SUPT3H: variants seen among roughly 807,000 people sequenced by gnomAD.
SUPT3H encodes transcription initiation protein SPT3 homolog.
A neutral mutation model predicts 44.3 loss-of-function variants in SUPT3H; 44 were observed. The observed-to-expected ratio is 0.99, with a 90% CI of 0.78 to 1.28. SUPT3H has a LOEUF of 1.28. Among genes scored for constraint, SUPT3H ranks in the 50% most tolerant of loss-of-function variants. SUPT3H has a pLI of 0.00. For missense variants in SUPT3H, 380 were observed against 387.1 expected, an observed-to-expected ratio of 0.98 and a Z score of 0.15; for synonymous variants, 124 against 125.6, an observed-to-expected ratio of 0.99 and a Z score of 0.09.
intron 10 of SUPT3H, among the ~76,000 whole-genome samples, chr6:44,925,650 A>G (rs1375997839): frequency 1.3e-5 from 2 of 152,146 alleles, no homozygotes; most frequent in Admixed American, 6.5e-5. Context: ...GGTACCACCC[A>G]CTGCTTGTAA....
intron 2 of SUPT3H, among the ~76,000 whole-genome samples, chr6:45,325,118 C>T (rs952208685): frequency 1.3e-5 from 2 of 151,728 alleles, no homozygotes; most frequent in South Asian, 2.1e-4. Flanking sequence ...AAACTTCCTT[C>T]GTAAAACCTC....
chr6:45,352,783 T>A (rs12194682), intron 2 of SUPT3H, among the ~76,000 whole-genome samples: 34,455 of 151,984 alleles, frequency 0.23, 4,586 homozygotes, highest in Non-Finnish European at 0.31. Context: ...ATACATTAAA[T>A]ACCTTTATTC....
At chr6:45,233,045 T>TTCAGCTGGGGGCAGGGTCACTTCTC (rs1170830191) in intron 2 of SUPT3H, among the ~76,000 whole-genome samples, 49 of 152,188 alleles carry the variant, frequency 3.2e-4, no homozygotes, top group Non-Finnish European at 7.1e-4. Flanking sequence ...CACAGTTTAT[T>TTCAGCTGGGGGCAGGGTCACTTCTC]TCAGCTGGGG....
At chr6:45,277,494 TA>T (rs1777220839) in intron 2 of SUPT3H, among the ~76,000 whole-genome samples, 1 of 152,122 alleles carries the variant, frequency 6.6e-6, no homozygotes, top group African/African-American at 2.4e-5. Context: ...CTACTAGCCA[TA>T]AACTTTCCAC....
chr6:45,255,430 T>TC (rs1562803250), intron 2 of SUPT3H, among the ~76,000 whole-genome samples: 1 of 150,376 alleles, frequency 6.6e-6, no homozygotes, highest in Non-Finnish European at 1.5e-5. Flanking sequence ...TTTTTTTTTT[T>TC]TTTTTTTCAG....
At chr6:45,158,298 A>ATATATATATATATATATTT in intron 2 of SUPT3H, among the ~76,000 whole-genome samples, 5 of 99,690 alleles carry the variant, frequency 5.0e-5, no homozygotes, top group African/African-American at 2.0e-4. Context: ...ATATATATAT[A>ATATATATATATATATATTT]TTTTTTTTTT....
intron 9 of SUPT3H, among the ~76,000 whole-genome samples, chr6:44,942,558 A>C (rs1377185192): frequency 6.6e-6 from 1 of 152,162 alleles, no homozygotes; most frequent in African/African-American, 2.4e-5. Context: ...GAATAGAAAA[A>C]GGGGGAGCCC....
chr6:44,846,411 C>T (rs1035840515), intron 10 of SUPT3H, among the ~76,000 whole-genome samples: 3 of 152,188 alleles, frequency 2.0e-5, no homozygotes, highest in African/African-American at 7.2e-5. Flanking sequence ...GTAGTTCAGA[C>T]ACCAGACAAC....
At chr6:44,966,471 A>C (rs941979958) in intron 6 of SUPT3H, among the ~76,000 whole-genome samples, 1 of 151,472 alleles carries the variant, frequency 6.6e-6, no homozygotes, top group Non-Finnish European at 1.5e-5. Context: ...CTCAATAAAG[A>C]GTAAGCAGTT....
chr6:45,083,099 C>G (rs1796020852), intron 3 of SUPT3H, among the ~76,000 whole-genome samples: 2 of 151,632 alleles, frequency 1.3e-5, no homozygotes, highest in Non-Finnish European at 2.9e-5. Flanking sequence ...AACTATAAAA[C>G]CCTGCTGTAA....
chr6:45,321,390 C>T (rs1388996499), intron 2 of SUPT3H, among the ~76,000 whole-genome samples: 1 of 152,012 alleles, frequency 6.6e-6, no homozygotes, highest in Non-Finnish European at 1.5e-5. Flanking sequence ...CCTATATATC[C>T]TTTACTTATA....
chr6:45,366,886 C>A (rs1407505974), intron 1 of SUPT3H, among the ~76,000 whole-genome samples: 1 of 152,172 alleles, frequency 6.6e-6, no homozygotes, highest in Non-Finnish European at 1.5e-5. Context: ...TTAGCTACAT[C>A]TTCTATCTCC....
At chr6:44,957,198 T>C (rs1252318126) in intron 7 of SUPT3H, among the ~76,000 whole-genome samples, 2 of 152,174 alleles carry the variant, frequency 1.3e-5, no homozygotes, top group African/African-American at 4.8e-5. Context: ...ACTCAAAGCA[T>C]GATATTTTGA....
At chr6:45,315,640 T>G (rs1001968266) in intron 2 of SUPT3H, among the ~76,000 whole-genome samples, 1 of 152,132 alleles carries the variant, frequency 6.6e-6, no homozygotes, top group Admixed American at 6.5e-5. Context: ...GATGTTGGCA[T>G]GGATGCGGTG....
intron 2 of SUPT3H, among the ~76,000 whole-genome samples, chr6:45,157,341 T>C (rs1206395778): frequency 6.6e-6 from 1 of 151,962 alleles, no homozygotes; most frequent in Non-Finnish European, 1.5e-5. Flanking sequence ...TCATTTATAA[T>C]GTATCATCAG....
intron 10 of SUPT3H, among the ~76,000 whole-genome samples, chr6:44,887,906 A>G (rs1365014011): frequency 1.3e-5 from 2 of 152,112 alleles, no homozygotes. Flanking sequence ...AGAAGAACCA[A>G]ATAGAGGCAA....
intron 2 of SUPT3H, among the ~76,000 whole-genome samples, chr6:45,126,777 T>A (rs1358688185): frequency 1.3e-5 from 2 of 152,242 alleles, no homozygotes; most frequent in Non-Finnish European, 2.9e-5. Context: ...GTATATCTTT[T>A]CTGTACTGAC....
intron 10 of SUPT3H, among the ~76,000 whole-genome samples, chr6:44,882,414 G>A (rs529354386): frequency 6.6e-6 from 1 of 152,256 alleles, no homozygotes; most frequent in Admixed American, 6.5e-5. Flanking sequence ...ACCAAAAAGA[G>A]TCCAGGACCA....
chr6:44,913,807 TATTTTTGGTATCTAAA>T (rs796190475), intron 10 of SUPT3H, among the ~76,000 whole-genome samples: 66 of 152,204 alleles, frequency 4.3e-4, no homozygotes, highest in African/African-American at 1.4e-3. Flanking sequence ...TCCAAGTGGT[TATTTTTGGTATCTAAA>T]ATTTTTCAGA....
Sources: gnomAD v4.1 joint callset for allele counts (sites outside exome capture counted in the v4.1 genomes callset) on GRCh38, gnomAD v4.1.1 for gene constraint, MANE v1.5 for transcripts, NCBI Gene and HGNC (gene_info 2026-07-23, HGNC 2026-07-21) for gene names.